GRM7: variants seen among roughly 807,000 people sequenced by gnomAD.
GRM7 encodes the protein glutamate metabotropic receptor 7.
A neutral mutation model predicts 84.5 loss-of-function variants in GRM7; 35 were observed. That is an observed-to-expected ratio of 0.41 (90% CI 0.32 to 0.55). GRM7 has a LOEUF of 0.55. Ranked by LOEUF, GRM7 falls within the 20% of genes least tolerant of loss-of-function variation. The probability of loss-of-function intolerance (pLI) is 0.19; values close to 1 mark genes in which losing one functional copy is unlikely to be tolerated. For synonymous variants in GRM7, 487 were observed against 455.1 expected (o/e 1.07, Z -0.89); for missense variants, 1,003 against 1,194.6 (o/e 0.84, Z 2.36).
At chr3:7,379,952 CCTT>C in intron 4 of GRM7, among the ~76,000 whole-genome samples, 1 of 152,186 alleles carries the variant, frequency 6.6e-6, no homozygotes, top group Non-Finnish European at 1.5e-5. Flanking sequence ...ATTCTCCAAA[CCTT>C]CTTACTACCT....
At chr3:6,888,535 T>A (rs1378355486) in intron 1 of GRM7, among the ~76,000 whole-genome samples, 2 of 152,164 alleles carry the variant, frequency 1.3e-5, no homozygotes, top group Non-Finnish European at 2.9e-5. Flanking sequence ...AAAGATCAGA[T>A]AGCTATAGAT....
intron 4 of GRM7, among the ~76,000 whole-genome samples, chr3:7,407,470 G>A (rs888700604): frequency 8.5e-5 from 13 of 152,244 alleles, no homozygotes; most frequent in African/African-American, 2.9e-4. Flanking sequence ...ACAGTGCCTC[G>A]AACTGATATT....
At chr3:7,428,383 T>TG (rs1442276912) in intron 5 of GRM7, among the ~76,000 whole-genome samples, 1 of 152,318 alleles carries the variant, frequency 6.6e-6, no homozygotes, top group Admixed American at 6.5e-5. Flanking sequence ...TGGGACAGCC[T>TG]GTTTGATTGT....
chr3:7,183,566 G>A (rs1361062003), intron 2 of GRM7, among the ~76,000 whole-genome samples: 1 of 152,144 alleles, frequency 6.6e-6, no homozygotes, highest in Non-Finnish European at 1.5e-5. Flanking sequence ...GGTGGAGGTT[G>A]CAGTGAGCCA....
intron 8 of GRM7, among the ~76,000 whole-genome samples, chr3:7,605,125 G>A (rs924296292): frequency 6.6e-6 from 1 of 152,058 alleles, no homozygotes; most frequent in African/African-American, 2.4e-5. Context: ...GGTATCATCT[G>A]AAAAACTGCC....
intron 5 of GRM7, among the ~76,000 whole-genome samples, chr3:7,449,587 T>A (rs375863353): frequency 6.6e-6 from 1 of 152,060 alleles, no homozygotes; most frequent in Non-Finnish European, 1.5e-5. Flanking sequence ...GCCTTTATAA[T>A]TGAAACTCTA....
chr3:7,462,998 C>G (rs576096569), intron 7 of GRM7, among the ~76,000 whole-genome samples: 58 of 148,462 alleles, frequency 3.9e-4, no homozygotes, highest in African/African-American at 1.4e-3. Context: ...AAGGTAAACT[C>G]AAGGTGGGGG....
intron 8 of GRM7, among the ~76,000 whole-genome samples, chr3:7,604,375 T>A (rs924123522): frequency 9.9e-5 from 15 of 152,182 alleles, no homozygotes; most frequent in African/African-American, 3.6e-4. Context: ...AGATTGGATT[T>A]TTAAGGGCTC....
intron 7 of GRM7, among the ~76,000 whole-genome samples, chr3:7,480,831 C>T (rs180842968): frequency 2.6e-4 from 39 of 152,278 alleles, no homozygotes; most frequent in Admixed American, 1.1e-3. Flanking sequence ...ATTGAAGCAA[C>T]CTCGTTCAGA....
chr3:7,282,842 A>G (rs984311251), intron 2 of GRM7, among the ~76,000 whole-genome samples: 2 of 152,176 alleles, frequency 1.3e-5, no homozygotes, highest in African/African-American at 4.8e-5. Flanking sequence ...TTTTATTAAG[A>G]TCTCCCAGAA....
chr3:7,337,157 T>C (rs1186992881), intron 4 of GRM7, among the ~76,000 whole-genome samples: 1 of 151,876 alleles, frequency 6.6e-6, no homozygotes, highest in Non-Finnish European at 1.5e-5. Flanking sequence ...CAAACAAACA[T>C]AAAATGGAGA....
intron 4 of GRM7, among the ~76,000 whole-genome samples, chr3:7,377,532 G>GA (rs575648960): frequency 4.5e-4 from 69 of 152,290 alleles, no homozygotes; most frequent in African/African-American, 1.6e-3. Context: ...GAAGAAAGGG[G>GA]AGAGAAATAA....
chr3:7,561,748 T>C (rs17047600), intron 7 of GRM7, among the ~76,000 whole-genome samples: 2,571 of 152,286 alleles, frequency 0.017, 64 homozygotes, highest in African/African-American at 0.059. Context: ...TAGAAGCCAC[T>C]TCTCTCTTAG....
chr3:7,023,078 T>A (rs567748306), intron 1 of GRM7, among the ~76,000 whole-genome samples: 4 of 152,030 alleles, frequency 2.6e-5, no homozygotes, highest in Admixed American at 6.5e-5. Flanking sequence ...AGAAGGCGAA[T>A]GGTGGAGTCG....
intron 2 of GRM7, among the ~76,000 whole-genome samples, chr3:7,152,720 G>A (rs1376631829): frequency 2.0e-5 from 3 of 152,006 alleles, no homozygotes; most frequent in Non-Finnish European, 4.4e-5. Flanking sequence ...TTTGGATTGT[G>A]ATGTATACAT....
intron 7 of GRM7, among the ~76,000 whole-genome samples, chr3:7,577,205 A>C (rs967062262): frequency 2.6e-5 from 4 of 152,228 alleles, no homozygotes; most frequent in African/African-American, 9.6e-5. Flanking sequence ...GAATGTTATC[A>C]GTAGTTGACT....
intron 2 of GRM7, among the ~76,000 whole-genome samples, chr3:7,232,190 C>G (rs542878268): frequency 6.6e-6 from 1 of 152,094 alleles, no homozygotes; most frequent in Non-Finnish European, 1.5e-5. Flanking sequence ...CCTGACACAG[C>G]TCTGTCCTAT....
chr3:7,681,816 C>A (rs971170137), intron 9 of GRM7: 6 of 152,166 alleles, frequency 3.9e-5, no homozygotes, highest in South Asian at 2.1e-4. Flanking sequence ...TAAAACTCAA[C>A]ATAATTATGT....
chr3:7,040,242 C>A (rs188137907), intron 1 of GRM7, among the ~76,000 whole-genome samples: 44 of 152,262 alleles, frequency 2.9e-4, no homozygotes, highest in African/African-American at 1.0e-3. Context: ...CCTCTTGTAA[C>A]AGAAACCTCA....
Sources: gnomAD v4.1 joint callset for allele counts (sites outside exome capture counted in the v4.1 genomes callset) on GRCh38, gnomAD v4.1.1 for gene constraint, MANE v1.5 for transcripts, NCBI Gene and HGNC (gene_info 2026-07-23, HGNC 2026-07-21) for gene names.